Variants in SEPTIN9 observed in about 807,000 individuals in gnomAD.
The protein encoded by SEPTIN9 is septin-9.
SEPTIN9 carries 13 observed loss-of-function variants against 56.6 expected under a neutral mutation model. The observed-to-expected ratio is 0.23, with a 90% confidence interval of 0.15 to 0.37. SEPTIN9 has a LOEUF of 0.37. SEPTIN9 is among the 10% of genes least tolerant of loss of function. SEPTIN9 has a pLI of 1.00. For missense variants in SEPTIN9, 650 were observed against 823.1 expected, an observed-to-expected ratio of 0.79 and a Z score of 2.57; for synonymous variants, 332 against 334.1, an observed-to-expected ratio of 0.99 and a Z score of 0.07.
At chr17:77,399,348 G>C (rs1246669405) in intron 2 of SEPTIN9, among the ~76,000 whole-genome samples, 1 of 152,164 alleles carries the variant, frequency 6.6e-6, no homozygotes, top group African/African-American at 2.4e-5. Flanking sequence ...TCTAGTTTCT[G>C]TTCTCCAACT....
chr17:77,349,558 C>T (rs1288262198), intron 2 of SEPTIN9, among the ~76,000 whole-genome samples: 1 of 152,170 alleles, frequency 6.6e-6, no homozygotes, highest in African/African-American at 2.4e-5. Context: ...TCTAGCTATT[C>T]CCCTGTAGAC....
intron 1 of SEPTIN9, among the ~76,000 whole-genome samples, chr17:77,299,191 C>G (rs111691348): frequency 1.1e-3 from 170 of 152,274 alleles, no homozygotes; most frequent in South Asian, 3.9e-3. Flanking sequence ...CCCTCCTGGT[C>G]GCTTCCACCC....
At position 77,450,966 on chromosome 17, in the gene SEPTIN9, G is replaced by A. The variant is rs1208532887; in HGVS notation, c.722-31178G>A. 1.3e-5 allele frequency: 3 copies of A among 234,876 alleles called. No homozygotes were observed. Among genetic ancestry groups the A allele is most frequent in the Admixed American group, 6.5e-5 (1 of 15,396 alleles). 14.5% of individuals were successfully genotyped at this position (234,876 alleles called of 1,614,324 possible). On this transcript the variant is annotated intron_variant, in intron 3 of 11. Coordinates refer to ENST00000427177, the MANE Select transcript of SEPTIN9 (RefSeq NM_001113491.2). The surrounding 1 kb of genome is among the most constrained non-coding windows in gnomAD (Gnocchi z 6.0). ...TGCTCCCTGAGAGCCCAGCTGTGGC[G>A]ATGTCTGAGCAGGTAGGTGGGGGAG...
intron 3 of SEPTIN9, among the ~76,000 whole-genome samples, chr17:77,454,968 AAG>A (rs2038132061): frequency 2.0e-5 from 3 of 151,334 alleles, no homozygotes; most frequent in Non-Finnish European, 2.9e-5. Flanking sequence ...GGTCAGTGCA[AAG>A]GGCCTGAAAA....
At position 77,400,431 on chromosome 17, in the gene SEPTIN9, C is replaced by T. The variant is rs918182512; in HGVS notation, c.77-1628C>T. On this transcript the variant is annotated intron_variant, in intron 2 of 11. Transcript: ENST00000427177. The surrounding 1 kb of genome is among the most constrained non-coding windows in gnomAD (Gnocchi z 4.1). ...GGTTGAGCTTAGTGACCCAGGATTTCGTCTGTGTCCACCAAGAAGGAGAGG... is the reference window on the plus strand; with the variant it reads ...GGTTGAGCTTAGTGACCCAGGATTTTGTCTGTGTCCACCAAGAAGGAGAGG... 5 of 152,096 alleles carry T rather than the reference C, an allele frequency of 3.3e-5. No individual in the cohort carries two copies. Among genetic ancestry groups the T allele is most frequent in the Non-Finnish European group, 5.9e-5 (4 of 68,050 alleles). 9.4% of individuals were successfully genotyped at this position (152,096 alleles called of 1,614,324 possible). A position where few individuals can be genotyped will look rare whatever the true frequency, so the allele number is the denominator to read the frequency against.
intron 2 of SEPTIN9, among the ~76,000 whole-genome samples, chr17:77,339,376 G>A (rs2033654676): frequency 1.3e-5 from 2 of 152,150 alleles, no homozygotes; most frequent in Non-Finnish European, 2.9e-5. Context: ...CTGCAGAATG[G>A]GTGTTACATT....
intron 3 of SEPTIN9, among the ~76,000 whole-genome samples, chr17:77,430,631 G>A (rs891432763): frequency 3.3e-5 from 5 of 152,188 alleles, no homozygotes; most frequent in Admixed American, 2.6e-4. Context: ...GCCTGGTGCC[G>A]GCTGACAGCT....
intron 3 of SEPTIN9, among the ~76,000 whole-genome samples, chr17:77,418,847 C>T (rs935917035): frequency 3.9e-5 from 6 of 152,130 alleles, no homozygotes; most frequent in South Asian, 2.1e-4. Context: ...GACCGAGACC[C>T]GGTGCATGGG....
chr17:77,320,677 C>T (rs2032881487), intron 2 of SEPTIN9, among the ~76,000 whole-genome samples: 1 of 152,168 alleles, frequency 6.6e-6, no homozygotes, highest in South Asian at 2.1e-4. Context: ...GGACCTGCCC[C>T]CCTGGCTCGG....
At chr17:77,485,894 A>C (rs1187555901) in intron 4 of SEPTIN9, among the ~76,000 whole-genome samples, 1 of 152,044 alleles carries the variant, frequency 6.6e-6, no homozygotes, top group Non-Finnish European at 1.5e-5. Context: ...GCTGGAGTGC[A>C]GTGGCATGGT....
Position 77,405,117 on chromosome 17 carries a change from C to A in SEPTIN9, c.721+2414C>A, listed in dbSNP as rs1005107677. On this transcript the variant is annotated intron_variant, in intron 3 of 11. Coordinates refer to ENST00000427177, the MANE Select transcript of SEPTIN9 (RefSeq NM_001113491.2). This position sits in a 1 kb window ranked among gnomAD's most constrained non-coding sequence, Gnocchi z 5.8. Reference sequence around the variant, plus strand: ...ATGGCTGGTGCTGGATGCACAGGGACGTGGTCCTGGCTCTGGGGGACAGGT... The same window carrying A: ...ATGGCTGGTGCTGGATGCACAGGGAAGTGGTCCTGGCTCTGGGGGACAGGT... 4 of 1,535,274 alleles carry A rather than the reference C, an allele frequency of 2.6e-6. No homozygotes were observed. In the African/African-American group the frequency reaches 4.1e-5, roughly 16 times the overall value.
In SEPTIN9 at chr17:77,423,618, C is replaced by T. The variant is rs1204940390; in HGVS notation, c.721+20915C>T. ...CTCAGTGCCTCGATCCTAGCACCCT[C>T]GATCTCAGCGCCTCCCCTTCCCCGG... On this transcript the variant is annotated intron_variant, in intron 3 of 11. Transcript: ENST00000427177. Among the ~76,000 whole-genome samples, 3 of 152,258 alleles carry T rather than the reference C, an allele frequency of 2.0e-5. No individual in the cohort carries two copies. In the East Asian group the frequency reaches 5.8e-4, roughly 29 times the overall value.
chr17:77,336,849 A>G (rs1415177733), intron 2 of SEPTIN9, among the ~76,000 whole-genome samples: 1 of 152,172 alleles, frequency 6.6e-6, no homozygotes, highest in African/African-American at 2.4e-5. Context: ...AGATTGAGGA[A>G]ATTCCCTTCT....
In SEPTIN9 at chr17:77,451,511, C is replaced by CT; in HGVS notation, c.722-30633_722-30632insT. On this transcript the variant is annotated intron_variant, in intron 3 of 11. Coordinates refer to ENST00000427177, the MANE Select transcript of SEPTIN9 (RefSeq NM_001113491.2). This position sits in a 1 kb window ranked among gnomAD's most constrained non-coding sequence, Gnocchi z 4.2. Reference sequence around the variant, plus strand: ...GGCTCTCGGCGCGTCCAGCGCAGCCCGACGTTCCGCTGCTGGGGTGAGTCC... The same window carrying CT: ...GGCTCTCGGCGCGTCCAGCGCAGCCCTGACGTTCCGCTGCTGGGGTGAGTCC... 2 of 985,822 alleles carry CT rather than the reference C, an allele frequency of 2.0e-6. No individual in the cohort carries two copies. The highest frequency in any genetic ancestry group is 2.4e-6 in the Non-Finnish European group (2 of 830,220). The allele number at this position is 985,822 out of a possible 1,614,324, so 61.1% of individuals were successfully genotyped here.
rs201246703 is a variant in SEPTIN9 at position 77,283,178 on chromosome 17, T to A, written c.19+1624T>A. ...TGGGTTTCTTTTTTTTTTTTTTTTTTAAAAAAAAGGACAGAACCTTTTGCA... is the reference window on the plus strand; with the variant it reads ...TGGGTTTCTTTTTTTTTTTTTTTTTAAAAAAAAAGGACAGAACCTTTTGCA... On this transcript the variant is annotated intron_variant, in intron 1 of 11. Transcript: ENST00000427177. Among the ~76,000 whole-genome samples the A allele has an allele frequency of 6.5e-3, 952 of 147,044 alleles. 3 individuals are homozygous for A. Among genetic ancestry groups the A allele is most frequent in the East Asian group, 9.1e-3 (46 of 5,082 alleles).
rs552650964 is a variant in SEPTIN9 at position 77,421,460 on chromosome 17, G to A, written c.721+18757G>A. On this transcript the variant is annotated intron_variant, in intron 3 of 11. Coordinates refer to ENST00000427177, the MANE Select transcript of SEPTIN9 (RefSeq NM_001113491.2). This position sits in a 1 kb window ranked among gnomAD's most constrained non-coding sequence, Gnocchi z 4.6. ...GAAGTCTTTTGGCTGCGGTGGAGGT[G>A]GGGGTCTGTGCTTCCCTGGGGACCG... Among the ~76,000 whole-genome samples, 21 of 152,222 alleles carry A rather than the reference G, an allele frequency of 1.4e-4. No homozygotes were observed. Among genetic ancestry groups the A allele is most frequent in the Admixed American group, 1.3e-3 (20 of 15,300 alleles).
chr17:77,404,671 T>C lies in SEPTIN9; in HGVS notation c.721+1968T>C, dbSNP rs146242206. On this transcript the variant is annotated intron_variant, in intron 3 of 11. Coordinates refer to ENST00000427177, the MANE Select transcript of SEPTIN9 (RefSeq NM_001113491.2). Reference sequence around the variant, plus strand: ...AGTGCTCCTCATGCTTTCATGGGCATGTGGAGTGCACATTTGTCTTGGCGG... The same window carrying C: ...AGTGCTCCTCATGCTTTCATGGGCACGTGGAGTGCACATTTGTCTTGGCGG... Among the ~76,000 whole-genome samples the C allele has an allele frequency of 3.7e-3, 560 of 152,204 alleles. 1 individual carries two copies. The highest frequency in any genetic ancestry group is 0.013 in the African/African-American group (528 of 41,538).
At chr17:77,361,994 A>G (rs1180781446) in intron 2 of SEPTIN9, among the ~76,000 whole-genome samples, 2 of 152,184 alleles carry the variant, frequency 1.3e-5, no homozygotes, top group Non-Finnish European at 2.9e-5. Context: ...GACCATATGC[A>G]CCATGTAGAC....
At chr17:77,470,475 C>CATGT (rs2038947944) in intron 3 of SEPTIN9, among the ~76,000 whole-genome samples, 1 of 151,816 alleles carries the variant, frequency 6.6e-6, no homozygotes, top group Non-Finnish European at 1.5e-5. Context: ...TCCACTCACC[C>CATGT]ACCCATCCAC....
Sources: gnomAD v4.1 joint callset for allele counts (sites outside exome capture counted in the v4.1 genomes callset) on GRCh38, gnomAD v4.1.1 for gene constraint, Gnocchi (gnomAD v3.1) non-coding constraint, MANE v1.5 for transcripts, NCBI Gene and HGNC (gene_info 2026-07-23, HGNC 2026-07-21) for gene names.